The following RAB28 variants were observed in gnomAD, a reference collection of about 807,000 sequenced individuals.
RAB28 encodes RAB28, member RAS oncogene family, also known as ras-related protein Rab-28.
In RAB28, 24 loss-of-function variants were observed where a neutral mutation model predicts 31.7. That is an observed-to-expected ratio of 0.76 (90% CI 0.55 to 1.06). The LOEUF is 1.06. RAB28 is among the 50% of genes least tolerant of loss of function. The probability of loss-of-function intolerance (pLI) is 0.00; values close to 1 mark genes in which losing one functional copy is unlikely to be tolerated. For synonymous variants in RAB28, 100 were observed against 90.4 expected, an observed-to-expected ratio of 1.11 and a Z score of -0.60; for missense variants, 254 against 258.5, an observed-to-expected ratio of 0.98 and a Z score of 0.12.
Position 13,393,038 on chromosome 4 carries a change from A to G in RAB28, c.392-11444T>C, listed in dbSNP as rs73819809. On this transcript the variant is annotated intron_variant, in intron 4 of 6. Transcript: ENST00000330852. ...TAGCTAGTGTCATTGTGGTTTGTCCATGCATTTATTTACTCACCAACAATT... is the reference window on the plus strand; with the variant it reads ...TAGCTAGTGTCATTGTGGTTTGTCCGTGCATTTATTTACTCACCAACAATT... Among the ~76,000 whole-genome samples, 1,166 of 152,336 alleles carry G rather than the reference A, an allele frequency of 7.7e-3. 18 individuals are homozygous for G. The highest frequency in any genetic ancestry group is 0.027 in the African/African-American group (1,105 of 41,578).
intron 4 of RAB28, among the ~76,000 whole-genome samples, chr4:13,403,218 A>T (rs1711879329): frequency 6.6e-6 from 1 of 152,186 alleles, no homozygotes; most frequent in Non-Finnish European, 1.5e-5. Flanking sequence ...TGGACATTAA[A>T]TTTTGATATT....
At chr4:13,436,595 G>A (rs1046647896) in intron 4 of RAB28, among the ~76,000 whole-genome samples, 8 of 151,846 alleles carry the variant, frequency 5.3e-5, no homozygotes, top group African/African-American at 1.9e-4. Context: ...AACAAAATCA[G>A]ATCTGCCATA....
chr4:13,395,669 G>A (rs1254507342), intron 4 of RAB28, among the ~76,000 whole-genome samples: 1 of 152,014 alleles, frequency 6.6e-6, no homozygotes, highest in Non-Finnish European at 1.5e-5. Flanking sequence ...AGTATTAAAT[G>A]TAATAAATAT....
intron 1 of RAB28, among the ~76,000 whole-genome samples, chr4:13,480,396 C>T (rs1716554796): frequency 6.6e-6 from 1 of 151,862 alleles, no homozygotes; most frequent in South Asian, 2.1e-4. Context: ...GGCAACTTCA[C>T]TAAGCTTTTA....
At chr4:13,473,971 G>A in intron 3 of RAB28, 1 of 371,074 alleles carries the variant, frequency 2.7e-6, no homozygotes, top group Non-Finnish European at 5.2e-6. Context: ...TCATCCCTGT[G>A]TTTTTCATTC....
chr4:13,387,387 C>G (rs1240239222), intron 4 of RAB28, among the ~76,000 whole-genome samples: 1 of 151,934 alleles, frequency 6.6e-6, no homozygotes. Flanking sequence ...AATTGTGAAG[C>G]CTATTTTACA....
rs1005592785 is a variant in RAB28, at chr4:13,394,929, C to T, written c.392-13335G>A. On this transcript the variant is annotated intron_variant, in intron 4 of 6. Coordinates refer to ENST00000330852, the MANE Select transcript of RAB28 (RefSeq NM_001017979.3). ...AAAACCCTTTGGGGCCTCATAACAA[C>T]CTTGGCGAATAGGTAAGCATTATTC... 2.0e-5 allele frequency among the ~76,000 whole-genome samples: 3 copies of T among 152,138 alleles called. No homozygotes were observed. In the East Asian group the frequency reaches 5.8e-4, roughly 29 times the overall value.
chr4:13,399,151 G>T (rs1336709622), intron 4 of RAB28, among the ~76,000 whole-genome samples: 2 of 152,152 alleles, frequency 1.3e-5, no homozygotes, highest in African/African-American at 2.4e-5. Flanking sequence ...TCACCCCCAA[G>T]GCAGTCTAGC....
In RAB28 at chr4:13,474,312, T is replaced by A. The variant is rs774440940; in HGVS notation, c.261+6A>T. On this transcript the variant is annotated splice_donor_region_variant and intron_variant, in intron 3 of 6. Coordinates refer to ENST00000330852, the MANE Select transcript of RAB28 (RefSeq NM_001017979.3). ...AATACTGGAATAATCAGAATTCATATCATACCTGTGCTCCATAGATATATT... is the reference window on the plus strand; with the variant it reads ...AATACTGGAATAATCAGAATTCATAACATACCTGTGCTCCATAGATATATT... 1.3e-6 allele frequency: 2 copies of A among 1,553,676 alleles called. No homozygotes were observed. The highest frequency in any genetic ancestry group is 1.4e-5 in the African/African-American group (1 of 73,394).
chr4:13,403,077 G>C (rs919608771), intron 4 of RAB28, among the ~76,000 whole-genome samples: 13 of 152,144 alleles, frequency 8.5e-5, no homozygotes, highest in Non-Finnish European at 2.9e-5. Flanking sequence ...TTACAGGTGT[G>C]AGTCAGTGCG....
At chr4:13,465,768 C>T (rs1322743241) in intron 3 of RAB28, among the ~76,000 whole-genome samples, 1 of 151,478 alleles carries the variant, frequency 6.6e-6, no homozygotes, top group Non-Finnish European at 1.5e-5. Flanking sequence ...CACACACACA[C>T]ACACACACAC....
intron 4 of RAB28, among the ~76,000 whole-genome samples, chr4:13,432,797 T>C (rs529201261): frequency 7.9e-5 from 12 of 152,146 alleles, no homozygotes; most frequent in African/African-American, 2.9e-4. Context: ...GTTCTAAACA[T>C]AGAAACCAAA....
chr4:13,418,293 T>G (rs1712914764), intron 4 of RAB28, among the ~76,000 whole-genome samples: 1 of 152,160 alleles, frequency 6.6e-6, no homozygotes, highest in Non-Finnish European at 1.5e-5. Flanking sequence ...TACCTGAAAG[T>G]GATGGGGAGA....
At chr4:13,442,344 C>CT (rs907536633) in intron 4 of RAB28, among the ~76,000 whole-genome samples, 67 of 148,672 alleles carry the variant, frequency 4.5e-4, no homozygotes, top group African/African-American at 1.3e-3. Flanking sequence ...TATGCAGCAT[C>CT]TTTTTTTTTT....
chr4:13,461,228 C>G (rs1302357234), intron 3 of RAB28, among the ~76,000 whole-genome samples: 1 of 152,202 alleles, frequency 6.6e-6, no homozygotes, highest in Non-Finnish European at 1.5e-5. Context: ...TAATCATCTG[C>G]TGCTACTCTT....
intron 4 of RAB28, among the ~76,000 whole-genome samples, chr4:13,448,939 A>G (rs1481488472): frequency 6.7e-6 from 1 of 149,202 alleles, no homozygotes. Context: ...GCAGCAATAG[A>G]GACAGAAATA....
At chr4:13,391,310 A>T (rs974819586) in intron 4 of RAB28, among the ~76,000 whole-genome samples, 13 of 152,232 alleles carry the variant, frequency 8.5e-5, no homozygotes, top group African/African-American at 2.9e-4. Context: ...AAAAACGCTC[A>T]TCATCACTGG....
intron 4 of RAB28, among the ~76,000 whole-genome samples, chr4:13,385,336 T>C (rs1729321283): frequency 6.6e-6 from 1 of 152,010 alleles, no homozygotes; most frequent in Admixed American, 6.5e-5. Flanking sequence ...ACATTCAAAT[T>C]CAGGAAATGA....
intron 4 of RAB28, among the ~76,000 whole-genome samples, chr4:13,456,579 GAAGA>G (rs1388637123): frequency 6.6e-6 from 1 of 152,214 alleles, no homozygotes; most frequent in Non-Finnish European, 1.5e-5. Context: ...GCTCTTGAAT[GAAGA>G]AATTGGGCTT....
Sources: gnomAD v4.1 joint callset for allele counts (sites outside exome capture counted in the v4.1 genomes callset) on GRCh38, gnomAD v4.1.1 for gene constraint, MANE v1.5 for transcripts, NCBI Gene and HGNC (gene_info 2026-07-23, HGNC 2026-07-21) for gene names.